HDGFL2: variants seen among roughly 807,000 people sequenced by gnomAD.
HDGFL2 encodes HDGF like 2.
Under a neutral mutation model 77.1 loss-of-function variants are expected in HDGFL2, and 36 were observed. The ratio of observed to expected loss-of-function variants is 0.47; its 90% CI spans 0.36 to 0.62. The LOEUF is 0.62. Among genes scored for constraint, HDGFL2 ranks in the 20% least tolerant of loss-of-function variants. The pLI is 0.00. For missense variants in HDGFL2, 976 were observed against 973.4 expected, an observed-to-expected ratio of 1.00 and a Z score of -0.04; for synonymous variants, 463 against 413.1, an observed-to-expected ratio of 1.12 and a Z score of -1.46.
At chr19:4,487,786 C>G (rs913950126) in intron 3 of HDGFL2, among the ~76,000 whole-genome samples, 2 of 152,150 alleles carry the variant, frequency 1.3e-5, no homozygotes, top group African/African-American at 4.8e-5. Context: ...GGTCACGTGC[C>G]TGGCACATAA....
At chr19:4,496,492 C>T (rs1333472147) in intron 10 of HDGFL2, 87 bp downstream of exon 10, 6 of 1,002,850 alleles carry the variant, frequency 6.0e-6, no homozygotes, top group Non-Finnish European at 9.2e-6. Flanking sequence ...GGCAGCCCCA[C>T]CTCTGAGTTC....
At chr19:4,472,447 C>A in intron 1 of HDGFL2, 25 bp downstream of exon 1, 5 of 117,364 alleles carry the variant, frequency 4.3e-5, no homozygotes, top group Non-Finnish European at 5.6e-5. Flanking sequence ...GAGATGGGGC[C>A]GGTGGGGGGG....
In HDGFL2 at chr19:4,493,691, G is replaced by A. The variant is rs1486432676; in HGVS notation, c.679-12G>A. On this transcript the variant is annotated splice_polypyrimidine_tract_variant and intron_variant, in intron 6 of 15. Transcript: ENST00000616600. The stretch of plus-strand genomic sequence containing the variant: ...GCTCCTGATGCTCACGCCTGTCCCT[G>A]CTTCTCCCCAGAAGGCGCCATCAGC... The A allele has an allele frequency of 1.4e-6, 2 of 1,449,316 alleles. No individual in the cohort carries two copies. Among genetic ancestry groups the A allele is most frequent in the African/African-American group, 1.4e-5 (1 of 69,520 alleles). The allele number at this position is 1,449,316 out of a possible 1,614,324, so 89.8% of individuals were successfully genotyped here. A position where few individuals can be genotyped will look rare whatever the true frequency, so the allele number is the denominator to read the frequency against.
intron 13 of HDGFL2, 132 bp from the exon 14 acceptor site, chr19:4,499,358 AG>A (rs1215203469): frequency 1.3e-4 from 94 of 734,418 alleles, no homozygotes; most frequent in Admixed American, 1.1e-3. Flanking sequence ...AAAAAAAAAA[AG>A]AAATGCCTGC....
chr19:4,498,128 G>T, intron 11 of HDGFL2, 97 bp downstream of exon 11: 1 of 1,271,772 alleles, frequency 7.9e-7, no homozygotes, highest in Non-Finnish European at 1.1e-6. Context: ...TCCCTAGAGA[G>T]GGTGCTCAGC....
chr19:4,498,010 A>C lies in HDGFL2; in HGVS notation c.1381A>C (p.Arg461=). ...RKRSEGFSMD[R]KVEKKKEPSV... ...GCGGTCCGAGGGCTTCTCGATGGAC[A>C]GGAAGGTAGAGAAGAAGAAAGGTGA... The change falls in exon 11 of 16, where the codon AGG becomes CGG. Residue 461 remains arginine, a synonymous_variant. Transcript: ENST00000616600. 6.4e-7 allele frequency: 1 copy of C among 1,556,220 alleles called. No individual in the cohort carries two copies.
At chr19:4,496,682 C>T (rs1321903816) in intron 10 of HDGFL2, among the ~76,000 whole-genome samples, 2 of 152,106 alleles carry the variant, frequency 1.3e-5, no homozygotes, top group African/African-American at 2.4e-5. Flanking sequence ...GGGGGTGCTC[C>T]TGGCATGGAG....
Position 4,493,765 on chromosome 19 carries a change from G to A in HDGFL2, c.741G>A (p.Pro247=), listed in dbSNP as rs1240101416. The change falls in exon 7 of 16, where the codon CCG becomes CCA. Residue 247 remains proline, a synonymous_variant. Transcript: ENST00000616600. The part of the protein sequence containing the change: ...KADSDGAKPE[P]VAMARSASSS... Reference sequence around the variant, plus strand: ...ATTCGGACGGGGCCAAGCCTGAGCCGGTGGCCATGGCGCGGTCGGCGTCCT... The same window carrying A: ...ATTCGGACGGGGCCAAGCCTGAGCCAGTGGCCATGGCGCGGTCGGCGTCCT... The A allele has an allele frequency of 1.9e-6, 3 of 1,542,260 alleles. No individual in the cohort carries two copies. The highest frequency in any genetic ancestry group is 2.5e-5 in the East Asian group (1 of 40,642).
intron 3 of HDGFL2, among the ~76,000 whole-genome samples, chr19:4,476,893 TG>T: frequency 6.7e-6 from 1 of 149,452 alleles, no homozygotes; most frequent in South Asian, 2.1e-4. Flanking sequence ...TGTGACAGGC[TG>T]GGGGCCGGGG....
intron 6 of HDGFL2, among the ~76,000 whole-genome samples, chr19:4,492,283 A>AGT (rs993694828): frequency 4.6e-5 from 7 of 151,420 alleles, no homozygotes; most frequent in Non-Finnish European, 7.4e-5. Flanking sequence ...GTATGTGTGC[A>AGT]GTGTGTGTGT....
chr19:4,480,927 G>C (rs1421988271), intron 3 of HDGFL2, among the ~76,000 whole-genome samples: 2 of 147,704 alleles, frequency 1.4e-5, no homozygotes, highest in Non-Finnish European at 3.0e-5. Flanking sequence ...CATGATCTTG[G>C]CTCACTGCAA....
At chr19:4,480,663 G>A (rs995592995) in intron 3 of HDGFL2, among the ~76,000 whole-genome samples, 13 of 152,148 alleles carry the variant, frequency 8.5e-5, no homozygotes, top group Admixed American at 7.2e-4. Flanking sequence ...AGGTTGCAGT[G>A]GGCTGAGATT....
intron 3 of HDGFL2, among the ~76,000 whole-genome samples, chr19:4,477,289 C>G (rs961289537): frequency 6.6e-6 from 1 of 152,152 alleles, no homozygotes; most frequent in Non-Finnish European, 1.5e-5. Flanking sequence ...TCTGGGAGCT[C>G]ATGGTCCAGA....
intron 3 of HDGFL2, 33 bp downstream of exon 3, chr19:4,475,616 C>T (rs1352008141): frequency 2.6e-6 from 4 of 1,542,558 alleles, no homozygotes; most frequent in South Asian, 2.5e-5. Context: ...CAGTGTGAAG[C>T]GCGCTACTGA....
intron 3 of HDGFL2, among the ~76,000 whole-genome samples, chr19:4,484,050 A>G (rs1408956160): frequency 1.3e-5 from 2 of 150,182 alleles, no homozygotes; most frequent in African/African-American, 2.5e-5. Flanking sequence ...TGGCCTCCCA[A>G]AGTGTTGGGA....
chr19:4,492,087 C>T (rs965409292), intron 6 of HDGFL2, among the ~76,000 whole-genome samples: 7 of 152,168 alleles, frequency 4.6e-5, no homozygotes, highest in Admixed American at 1.3e-4. Context: ...AGTCCTGACG[C>T]GCCTGCATGA....
intron 12 of HDGFL2, 68 bp downstream of exon 12, chr19:4,498,444 G>T: frequency 7.9e-7 from 1 of 1,272,664 alleles, no homozygotes; most frequent in Non-Finnish European, 1.1e-6. Flanking sequence ...TCCCTTAGAT[G>T]TCTCGGGAAA....
At chr19:4,481,738 T>C (rs1352457732) in intron 3 of HDGFL2, among the ~76,000 whole-genome samples, 4 of 152,150 alleles carry the variant, frequency 2.6e-5, no homozygotes, top group Non-Finnish European at 5.9e-5. Context: ...ATTACAGGCA[T>C]GAGCCACCGT....
intron 3 of HDGFL2, among the ~76,000 whole-genome samples, chr19:4,481,517 G>A (rs536184071): frequency 7.5e-5 from 11 of 146,996 alleles, no homozygotes; most frequent in African/African-American, 2.3e-4. Flanking sequence ...TAGTAGAGAC[G>A]GGGTTTCACC....
Sources: gnomAD v4.1 joint callset for allele counts (sites outside exome capture counted in the v4.1 genomes callset) on GRCh38, gnomAD v4.1.1 for gene constraint, MANE v1.5 for transcripts, NCBI Gene and HGNC (gene_info 2026-07-23, HGNC 2026-07-21) for gene names.